The following GNG7 variants were observed in gnomAD, a reference collection of about 807,000 sequenced individuals.
GNG7 encodes G protein subunit gamma 7, also known as guanine nucleotide-binding protein G(I)/G(S)/G(O) subunit gamma-7.
GNG7 carries 1 observed loss-of-function variant against 4.0 expected under a neutral mutation model. The ratio of observed to expected loss-of-function variants is 0.25; its 90% confidence interval spans 0.09 to 1.18. The LOEUF (loss-of-function observed/expected upper bound fraction) is 1.18. GNG7 is among the 50% of genes most tolerant of loss of function. The pLI is 0.50. For missense variants in GNG7, 86 were observed against 91.9 expected (o/e 0.94, Z 0.26); for synonymous variants, 34 against 36.9 (o/e 0.92, Z 0.29).
intron 1 of GNG7, among the ~76,000 whole-genome samples, chr19:2,692,412 G>A (rs1198025019): frequency 6.6e-6 from 1 of 151,896 alleles, no homozygotes; most frequent in Admixed American, 6.6e-5. Flanking sequence ...GAGGTAGGCA[G>A]ATCATGAGGT....
chr19:2,644,325 CTTTA>C, intron 2 of GNG7, among the ~76,000 whole-genome samples: 1 of 54,870 alleles, frequency 1.8e-5, no homozygotes. Context: ...CCGGCCTACA[CTTTA>C]TATATATATA....
intron 2 of GNG7, among the ~76,000 whole-genome samples, chr19:2,571,517 G>A (rs1485455806): frequency 6.6e-6 from 1 of 151,926 alleles, no homozygotes; most frequent in Non-Finnish European, 1.5e-5. Context: ...GGGTGGCTTG[G>A]AGGGTGCCTG....
intron 3 of GNG7, among the ~76,000 whole-genome samples, chr19:2,553,783 A>G (rs898753101): frequency 1.4e-5 from 2 of 144,116 alleles, no homozygotes; most frequent in Non-Finnish European, 3.0e-5. Context: ...ATGTTATATC[A>G]CACACATGTA....
intron 2 of GNG7, among the ~76,000 whole-genome samples, chr19:2,607,502 C>G (rs1210038907): frequency 2.1e-5 from 3 of 144,602 alleles, no homozygotes; most frequent in Non-Finnish European, 4.5e-5. Flanking sequence ...GCACTCCAGC[C>G]TGGGCGACAA....
At chr19:2,604,040 C>T (rs912949862) in intron 2 of GNG7, among the ~76,000 whole-genome samples, 9 of 151,992 alleles carry the variant, frequency 5.9e-5, no homozygotes, top group African/African-American at 1.2e-4. Context: ...TTAGTAGAGA[C>T]GGGGTTTCAC....
intron 1 of GNG7, among the ~76,000 whole-genome samples, chr19:2,656,942 A>G (rs1010107389): frequency 2.0e-5 from 3 of 152,174 alleles, no homozygotes; most frequent in Non-Finnish European, 4.4e-5. Context: ...AAATGTTTAC[A>G]GATTTCATGT....
chr19:2,629,647 C>G (rs113449404), intron 2 of GNG7, among the ~76,000 whole-genome samples: 8,897 of 152,160 alleles, frequency 0.058, 862 homozygotes, highest in African/African-American at 0.2. Context: ...AGAGCGTAGC[C>G]CTGAACGCAG....
intron 1 of GNG7, among the ~76,000 whole-genome samples, chr19:2,657,211 G>A (rs1982997721): frequency 6.7e-6 from 1 of 150,210 alleles, no homozygotes; most frequent in African/African-American, 2.5e-5. Flanking sequence ...GTGCACACCT[G>A]TAGTTCCAGC....
intron 2 of GNG7, chr19:2,642,713 C>G (rs1348613117): frequency 6.8e-6 from 3 of 441,594 alleles, no homozygotes; most frequent in African/African-American, 6.0e-5. Context: ...AGGCTGATCT[C>G]AAACTCCTGG....
At chr19:2,571,747 C>T (rs916452132) in intron 2 of GNG7, among the ~76,000 whole-genome samples, 2 of 151,816 alleles carry the variant, frequency 1.3e-5, no homozygotes, top group African/African-American at 4.8e-5. Context: ...AGGCGAGTGC[C>T]ACCACGCCTG....
At chr19:2,518,111 C>T (rs1978292089) in intron 4 of GNG7, among the ~76,000 whole-genome samples, 1 of 152,230 alleles carries the variant, frequency 6.6e-6, no homozygotes, top group African/African-American at 2.4e-5. Flanking sequence ...CACCACCCCC[C>T]ATGCCCACTG....
chr19:2,556,304 G>A (rs867325312), intron 2 of GNG7, among the ~76,000 whole-genome samples: 1 of 152,310 alleles, frequency 6.6e-6, no homozygotes, highest in South Asian at 2.1e-4. Context: ...CCTGCAGTGG[G>A]CTTGCCCGGC....
rs1972652852 is a variant in GNG7, at chr19:2,511,368, T to C, written c.*3654A>G. 6.6e-6 allele frequency: 1 copy of C among 152,296 alleles called. No homozygotes were observed. The highest frequency in any genetic ancestry group is 1.5e-5 in the Non-Finnish European group (1 of 68,118). 9.4% of individuals were successfully genotyped at this position (152,296 alleles called of 1,614,324 possible). On this transcript the variant is annotated 3_prime_UTR_variant, in exon 5 of 5. Transcript: ENST00000382159. This position sits in a 1 kb window ranked among gnomAD's most constrained non-coding sequence, Gnocchi z 6.3. The stretch of plus-strand genomic sequence containing the variant: ...AAACAACCAGACATCCCAATGCAGA[T>C]GGCATAGAACCTGCTAGAACCACAG...
At chr19:2,683,014 C>T (rs1384978657) in intron 1 of GNG7, among the ~76,000 whole-genome samples, 2 of 151,950 alleles carry the variant, frequency 1.3e-5, no homozygotes, top group Admixed American at 1.3e-4. Context: ...GGGCAGATCA[C>T]GAGGTCAGGA....
chr19:2,596,854 C>T (rs1198730168), intron 2 of GNG7, among the ~76,000 whole-genome samples: 1 of 152,174 alleles, frequency 6.6e-6, no homozygotes, highest in Non-Finnish European at 1.5e-5. Context: ...ATATTCTCAA[C>T]AGGGTGAACA....
intron 1 of GNG7, among the ~76,000 whole-genome samples, chr19:2,696,993 C>A (rs980866525): frequency 6.7e-6 from 1 of 148,648 alleles, no homozygotes; most frequent in Non-Finnish European, 1.5e-5. Flanking sequence ...GCTGGGATTA[C>A]AGGCGCCCGG....
chr19:2,681,425 C>T (rs553235650), intron 1 of GNG7, among the ~76,000 whole-genome samples: 1 of 152,192 alleles, frequency 6.6e-6, no homozygotes, highest in African/African-American at 2.4e-5. Context: ...CCTCATGATC[C>T]GCCCGCCTCG....
rs568250771 is a variant in GNG7 at position 2,596,683 on chromosome 19, A to G, written c.-77-41495T>C. 4.1e-3 allele frequency among the ~76,000 whole-genome samples: 617 copies of G among 151,216 alleles called. 3 individuals are homozygous for G. The highest frequency in any genetic ancestry group is 0.014 in the African/African-American group (596 of 41,154). On this transcript the variant is annotated intron_variant, in intron 2 of 4. Coordinates refer to ENST00000382159, the MANE Select transcript of GNG7 (RefSeq NM_052847.3). Reference sequence around the variant, plus strand: ...GACCCTGTCCCCCCCCCAAAAAAAAAAGTGGGCAAATATCGACCCAGTTGT... The same window carrying G: ...GACCCTGTCCCCCCCCCAAAAAAAAGAGTGGGCAAATATCGACCCAGTTGT...
In GNG7 at chr19:2,568,130, T is replaced by C. The variant is rs1416547586; in HGVS notation, c.-77-12942A>G. Among the ~76,000 whole-genome samples, 5 of 136,218 alleles carry C rather than the reference T, an allele frequency of 3.7e-5. No homozygotes were observed. In the East Asian group the frequency reaches 6.6e-4, roughly 18 times the overall value. The allele number at this position is 136,218 out of a possible 152,430, so 89.4% of individuals were successfully genotyped here. A position where few individuals can be genotyped will look rare whatever the true frequency, so the allele number is the denominator to read the frequency against. Reference sequence around the variant, plus strand: ...ACATGCACATACACACATATAGACATACACACATATACACATGCACACACA... The same window carrying C: ...ACATGCACATACACACATATAGACACACACACATATACACATGCACACACA... On this transcript the variant is annotated intron_variant, in intron 2 of 4. Transcript: ENST00000382159.
Sources: allele counts gnomAD v4.1 joint callset (sites outside exome capture counted in the v4.1 genomes callset), GRCh38; gene constraint gnomAD v4.1.1; non-coding constraint Gnocchi (gnomAD v3.1); transcripts MANE v1.5; gene names NCBI Gene and HGNC (gene_info 2026-07-23, HGNC 2026-07-21).